Variants in ANKS1B observed in about 807,000 individuals in gnomAD.
ANKS1B encodes the protein ankyrin repeat and sterile alpha motif domain containing 1B.
In ANKS1B, 36 loss-of-function variants were observed where a neutral mutation model predicts 148.3. That is an observed-to-expected ratio of 0.24 (90% CI 0.19 to 0.32). The LOEUF (loss-of-function observed/expected upper bound fraction) is 0.32, where lower values mean the gene tolerates loss of function less well. ANKS1B is among the 10% of genes least tolerant of loss of function. The pLI, the probability that ANKS1B is intolerant of heterozygous loss-of-function variation, is 1.00. For missense variants in ANKS1B, 1,157 were observed against 1,542.6 expected (o/e 0.75, Z 4.19); for synonymous variants, 542 against 560.8 (o/e 0.97, Z 0.47).
At chr12:99,825,119 C>G (rs2083021574) in intron 2 of ANKS1B, among the ~76,000 whole-genome samples, 190 bp downstream of exon 2, 1 of 152,194 alleles carries the variant, frequency 6.6e-6, no homozygotes, top group Non-Finnish European at 1.5e-5. Flanking sequence ...TCAGCTTACA[C>G]TCTGCACGCA....
At chr12:99,026,541 T>G (rs569742201) in intron 17 of ANKS1B, among the ~76,000 whole-genome samples, 1 of 152,286 alleles carries the variant, frequency 6.6e-6, no homozygotes, top group South Asian at 2.1e-4. Context: ...GCTTTACTGC[T>G]GTGAGTTTCA....
chr12:99,839,260 T>G (rs958942696), intron 1 of ANKS1B, among the ~76,000 whole-genome samples: 2 of 152,114 alleles, frequency 1.3e-5, no homozygotes, highest in African/African-American at 4.8e-5. Flanking sequence ...AAAAAAAAGT[T>G]TTGGCTGTAA....
intron 17 of ANKS1B, chr12:98,894,985 G>T: frequency 1.3e-6 from 1 of 784,674 alleles, no homozygotes; most frequent in South Asian, 5.5e-5. Context: ...CGCCTGCCCT[G>T]GCGGCAGCGG....
chr12:99,573,399 A>C (rs2097482740), intron 9 of ANKS1B, among the ~76,000 whole-genome samples: 1 of 152,156 alleles, frequency 6.6e-6, no homozygotes, highest in South Asian at 2.1e-4. Flanking sequence ...GTATTATCTT[A>C]ATTGGATTTA....
Position 98,782,119 on chromosome 12 carries a change from A to T in ANKS1B, c.3354+7T>A. The T allele has an allele frequency of 6.3e-7, 1 of 1,598,406 alleles. No homozygotes were observed. Among genetic ancestry groups the T allele is most frequent in the East Asian group, 2.2e-5 (1 of 44,524 alleles). ...AATAATCACACTAAACATCAAGAAGAACCTACCTGACAGTTAGCCTGGTGG... is the reference window on the plus strand; with the variant it reads ...AATAATCACACTAAACATCAAGAAGTACCTACCTGACAGTTAGCCTGGTGG... On this transcript the variant is annotated splice_region_variant and intron_variant, in intron 23 of 26. Transcript: ENST00000683438.
At chr12:98,761,793 C>G (rs866054048) in intron 25 of ANKS1B, among the ~76,000 whole-genome samples, 3 of 152,338 alleles carry the variant, frequency 2.0e-5, no homozygotes, top group South Asian at 4.1e-4. Flanking sequence ...TTCATCTCAT[C>G]TGGCGAATAT....
At chr12:99,873,833 G>A (rs2091801923) in intron 1 of ANKS1B, among the ~76,000 whole-genome samples, 1 of 152,002 alleles carries the variant, frequency 6.6e-6, no homozygotes, top group Admixed American at 6.6e-5. Context: ...TCAGTTGAAG[G>A]CCTTAACAGT....
At chr12:98,936,032 T>G (rs1476906930) in intron 17 of ANKS1B, among the ~76,000 whole-genome samples, 1 of 152,228 alleles carries the variant, frequency 6.6e-6, no homozygotes, top group Non-Finnish European at 1.5e-5. Flanking sequence ...AAATGCCTTC[T>G]GCATGATGCA....
chr12:99,625,927 T>C (rs2098108654), intron 9 of ANKS1B, among the ~76,000 whole-genome samples: 1 of 152,134 alleles, frequency 6.6e-6, no homozygotes, highest in Admixed American at 6.6e-5. Flanking sequence ...AGTCTCCTTG[T>C]GGAACATGGG....
At chr12:98,965,084 C>A (rs181006153) in intron 17 of ANKS1B, among the ~76,000 whole-genome samples, 1 of 151,928 alleles carries the variant, frequency 6.6e-6, no homozygotes, top group Admixed American at 6.6e-5. Flanking sequence ...AATATATACA[C>A]CTACTACATA....
At chr12:98,892,289 A>G (rs2099754295) in intron 17 of ANKS1B, among the ~76,000 whole-genome samples, 1 of 152,216 alleles carries the variant, frequency 6.6e-6, no homozygotes, top group Non-Finnish European at 1.5e-5. Context: ...CTACTTCGAA[A>G]CACACGGTGC....
At chr12:99,500,043 G>A (rs1398565027) in intron 10 of ANKS1B, among the ~76,000 whole-genome samples, 1 of 152,122 alleles carries the variant, frequency 6.6e-6, no homozygotes, top group Non-Finnish European at 1.5e-5. Context: ...GTTGATGAAA[G>A]CTTAAAGGAA....
intron 9 of ANKS1B, among the ~76,000 whole-genome samples, chr12:99,634,569 A>C (rs1241266665): frequency 6.6e-6 from 1 of 152,210 alleles, no homozygotes; most frequent in East Asian, 1.9e-4. Context: ...CCTGAGTAAA[A>C]TATTAAATGT....
At chr12:99,662,798 C>T (rs2098484084) in intron 8 of ANKS1B, among the ~76,000 whole-genome samples, 3 of 152,140 alleles carry the variant, frequency 2.0e-5, no homozygotes, top group South Asian at 2.1e-4. Flanking sequence ...TCCCCCTCCC[C>T]TATCAATATT....
chr12:98,979,057 G>A (rs1010568400), intron 17 of ANKS1B, among the ~76,000 whole-genome samples: 4 of 151,688 alleles, frequency 2.6e-5, no homozygotes, highest in African/African-American at 9.7e-5. Context: ...CAGGAGAATG[G>A]CGTGAACCCG....
chr12:99,952,613 G>T (rs941765052), intron 1 of ANKS1B, among the ~76,000 whole-genome samples: 8 of 152,146 alleles, frequency 5.3e-5, no homozygotes, highest in African/African-American at 1.9e-4. Flanking sequence ...GCAGAGAAAG[G>T]TATCTGGGTG....
chr12:99,265,458 G>A lies in ANKS1B; in HGVS notation c.1757-18594C>T, dbSNP rs74461391. Among the ~76,000 whole-genome samples the A allele has an allele frequency of 2.0e-4, 30 of 152,248 alleles. No homozygotes were observed. The East Asian group carries it at 4.8e-3, about 24-fold the overall frequency. The stretch of plus-strand genomic sequence containing the variant: ...GCCCTGCTCTAGAACATCTTGGGGT[G>A]GGCCCAGCAATCTCTGTTTTAGCAG... On this transcript the variant is annotated intron_variant, in intron 12 of 26. Coordinates refer to ENST00000683438, the MANE Select transcript of ANKS1B (RefSeq NM_001352186.2).
At chr12:99,343,424 T>A (rs916988988) in intron 12 of ANKS1B, among the ~76,000 whole-genome samples, 1 of 152,082 alleles carries the variant, frequency 6.6e-6, no homozygotes, top group Admixed American at 6.6e-5. Context: ...TACTTTTCTT[T>A]ATCTCATTGC....
chr12:99,872,462 T>A (rs559445576), intron 1 of ANKS1B, among the ~76,000 whole-genome samples: 2 of 152,072 alleles, frequency 1.3e-5, no homozygotes, highest in South Asian at 4.1e-4. Context: ...AAATCACCAA[T>A]GTGAAACAAA....
Sources: allele counts gnomAD v4.1 joint callset (sites outside exome capture counted in the v4.1 genomes callset), GRCh38; gene constraint gnomAD v4.1.1; transcripts MANE v1.5; gene names NCBI Gene and HGNC (gene_info 2026-07-23, HGNC 2026-07-21).